Variants in LINC00305 observed in about 807,000 individuals in gnomAD.
LINC00305 encodes the protein long independently transcribed non-coding RNA 305.
chr18:64,148,281 C>A (rs950942054), intron 1 of LINC00305, among the ~76,000 whole-genome samples: 1 of 152,086 alleles, frequency 6.6e-6, no homozygotes, highest in Non-Finnish European at 1.5e-5. Context: ...CCTATAGTGA[C>A]CAGAAGAAAT....
intron 1 of LINC00305, among the ~76,000 whole-genome samples, chr18:64,136,256 T>A (rs1363827220): frequency 1.3e-5 from 2 of 152,178 alleles, no homozygotes; most frequent in Admixed American, 1.3e-4. Context: ...AGATGAGGGT[T>A]TTCCACACTG....
chr18:64,129,365 TA>T (rs1328966535), intron 1 of LINC00305, among the ~76,000 whole-genome samples: 3 of 152,086 alleles, frequency 2.0e-5, no homozygotes, highest in East Asian at 1.9e-4. Flanking sequence ...GAAGTTGCAT[TA>T]AAAAATTGGG....
intron 1 of LINC00305, among the ~76,000 whole-genome samples, chr18:64,120,456 A>T (rs1292534822): frequency 6.8e-6 from 1 of 147,416 alleles, no homozygotes; most frequent in African/African-American, 2.5e-5. Context: ...AAACTAGGGT[A>T]TTTTTTTTTT....
intron 1 of LINC00305, among the ~76,000 whole-genome samples, chr18:64,125,876 G>A (rs1221248610): frequency 6.6e-6 from 1 of 152,114 alleles, no homozygotes; most frequent in East Asian, 1.9e-4. Context: ...AAAAGGGAGA[G>A]TTTGGTTCTT....
At chr18:64,116,715 A>C (rs1339838368) in intron 1 of LINC00305, among the ~76,000 whole-genome samples, 1 of 152,200 alleles carries the variant, frequency 6.6e-6, no homozygotes, top group African/African-American at 2.4e-5. Flanking sequence ...TTCACTTCAC[A>C]GAGTTGTCAT....
At chr18:64,088,142 G>GAA (rs375712817) in intron 3 of LINC00305, among the ~76,000 whole-genome samples, 2 of 142,684 alleles carry the variant, frequency 1.4e-5, no homozygotes, top group East Asian at 2.0e-4. Flanking sequence ...TCCGTATCAG[G>GAA]AAAAAAAAAA....
chr18:64,109,541 A>T (rs1262276334), intron 1 of LINC00305, among the ~76,000 whole-genome samples: 1 of 152,224 alleles, frequency 6.6e-6, no homozygotes, highest in African/African-American at 2.4e-5. Context: ...CCATTTATTC[A>T]TTGTCATCAT....
intron 1 of LINC00305, among the ~76,000 whole-genome samples, chr18:64,122,519 T>A (rs1025719863): frequency 6.6e-6 from 1 of 152,048 alleles, no homozygotes; most frequent in Non-Finnish European, 1.5e-5. Flanking sequence ...ATTCCTGGGA[T>A]GTTTATTTTG....
intron 1 of LINC00305, among the ~76,000 whole-genome samples, chr18:64,114,668 C>T (rs375493912): frequency 6.6e-6 from 1 of 152,178 alleles, no homozygotes; most frequent in East Asian, 1.9e-4. Flanking sequence ...CCTGCCTTAG[C>T]CTCCAGAGTA....
At position 64,088,010 on chromosome 18, in the gene LINC00305, C is replaced by A. The variant is rs111402244; in HGVS notation, n.541-7608G>T. Among the ~76,000 whole-genome samples the A allele has an allele frequency of 5.2e-3, 787 of 152,192 alleles. 5 individuals carry two copies. The highest frequency in any genetic ancestry group is 0.018 in the African/African-American group (735 of 41,526). On this transcript the variant is annotated intron_variant and non_coding_transcript_variant, in intron 3 of 3. Coordinates refer to ENST00000666468, the Ensembl canonical transcript of LINC00305. ...TGGTGGCGGGCGCCTGTAGTCCCAGCTACCTGGGAGGCTGAGGTGAGAGAA... is the reference window on the plus strand; with the variant it reads ...TGGTGGCGGGCGCCTGTAGTCCCAGATACCTGGGAGGCTGAGGTGAGAGAA...
intron 2 of LINC00305, among the ~76,000 whole-genome samples, chr18:64,098,369 C>T (rs953658771): frequency 5.3e-5 from 8 of 152,190 alleles, no homozygotes; most frequent in African/African-American, 1.7e-4. Context: ...GAGGATAATT[C>T]TTTTTTAATT....
At chr18:64,119,250 A>G (rs1163585397) in intron 1 of LINC00305, among the ~76,000 whole-genome samples, 2 of 152,096 alleles carry the variant, frequency 1.3e-5, no homozygotes, top group Non-Finnish European at 2.9e-5. Flanking sequence ...ACTTAGAGGA[A>G]GAACAGAAGG....
intron 1 of LINC00305, among the ~76,000 whole-genome samples, chr18:64,125,660 T>A (rs916431904): frequency 6.6e-6 from 1 of 152,086 alleles, no homozygotes; most frequent in Non-Finnish European, 1.5e-5. Flanking sequence ...ATTTGTCCTG[T>A]TATCCTCCTT....
intron 1 of LINC00305, among the ~76,000 whole-genome samples, chr18:64,144,642 G>A (rs1353662784): frequency 6.6e-6 from 1 of 152,102 alleles, no homozygotes; most frequent in African/African-American, 2.4e-5. Context: ...CTGAGTAGCT[G>A]GGATTACAGG....
chr18:64,134,704 G>T (rs898457857), intron 1 of LINC00305, among the ~76,000 whole-genome samples: 4 of 152,084 alleles, frequency 2.6e-5, no homozygotes, highest in Admixed American at 6.6e-5. Context: ...TTATTTACTT[G>T]TCAGATTTAT....
At chr18:64,092,753 T>A (rs913425797) in intron 3 of LINC00305, among the ~76,000 whole-genome samples, 1 of 152,170 alleles carries the variant, frequency 6.6e-6, no homozygotes, top group Admixed American at 6.5e-5. Flanking sequence ...TGTACAGTGA[T>A]TATGCCGAGA....
At chr18:64,142,300 T>A (rs1259042952) in intron 1 of LINC00305, among the ~76,000 whole-genome samples, 1 of 152,160 alleles carries the variant, frequency 6.6e-6, no homozygotes, top group Non-Finnish European at 1.5e-5. Flanking sequence ...GAATGTAGAT[T>A]CTCTTTTACC....
At chr18:64,114,665 T>C (rs2051330013) in intron 1 of LINC00305, among the ~76,000 whole-genome samples, 1 of 152,136 alleles carries the variant, frequency 6.6e-6, no homozygotes, top group African/African-American at 2.4e-5. Context: ...TCTCCTGCCT[T>C]AGCCTCCAGA....
chr18:64,146,620 C>T (rs1032616884), intron 1 of LINC00305, among the ~76,000 whole-genome samples: 10 of 152,134 alleles, frequency 6.6e-5, no homozygotes, highest in African/African-American at 2.4e-4. Context: ...CTTCTGTGGG[C>T]AAAGAAAGAT....
Sources: gnomAD v4.1 joint callset for allele counts (sites outside exome capture counted in the v4.1 genomes callset) on GRCh38, gnomAD v4.1.1 for gene constraint, MANE v1.5 for transcripts, NCBI Gene and HGNC (gene_info 2026-07-23, HGNC 2026-07-21) for gene names.